The following SKAP2 variants were observed in gnomAD, a reference collection of about 807,000 sequenced individuals.
The protein encoded by SKAP2 is src kinase-associated phosphoprotein 2.
In SKAP2, 28 loss-of-function variants were observed where a neutral mutation model predicts 54.9. The ratio of observed to expected loss-of-function variants is 0.51; its 90% CI spans 0.38 to 0.70. The LOEUF (loss-of-function observed/expected upper bound fraction) is 0.70. Among genes scored for constraint, SKAP2 ranks in the 30% least tolerant of loss-of-function variants. SKAP2 has a pLI of 0.00. For missense variants in SKAP2, 356 were observed against 424.1 expected (o/e 0.84, Z 1.41); for synonymous variants, 137 against 134.3 (o/e 1.02, Z -0.14).
intron 9 of SKAP2, among the ~76,000 whole-genome samples, chr7:26,694,372 A>G (rs527517533): frequency 6.6e-6 from 1 of 152,192 alleles, no homozygotes; most frequent in South Asian, 2.1e-4. Context: ...AGCAGCTTGT[A>G]TTTACATGCC....
At chr7:26,720,643 G>C (rs1392139713) in intron 9 of SKAP2, among the ~76,000 whole-genome samples, 3 of 152,140 alleles carry the variant, frequency 2.0e-5, no homozygotes, top group Non-Finnish European at 4.4e-5. Context: ...GTTTAGCATG[G>C]TTAGGGAGGC....
At chr7:26,831,096 C>CTAATGCAG (rs1784585263) in intron 4 of SKAP2, among the ~76,000 whole-genome samples, 1 of 152,098 alleles carries the variant, frequency 6.6e-6, no homozygotes, top group African/African-American at 2.4e-5. Context: ...AAGTGATCTT[C>CTAATGCAG]TAATGCAGTC....
chr7:26,660,171 G>T, the SKAP2 span, among the ~76,000 whole-genome samples: 1 of 151,882 alleles, frequency 6.6e-6, no homozygotes. Flanking sequence ...TTCATTTTTT[G>T]TGTGTTTCTA....
intron 1 of SKAP2, among the ~76,000 whole-genome samples, chr7:26,858,361 A>C (rs1425924677): frequency 6.6e-6 from 1 of 152,180 alleles, no homozygotes; most frequent in East Asian, 1.9e-4. Flanking sequence ...AATACACCTT[A>C]ACACTGTCAA....
chr7:26,823,552 G>A lies in SKAP2; in HGVS notation c.307+20478C>T, dbSNP rs10278082. 1.1e-3 allele frequency among the ~76,000 whole-genome samples: 161 copies of A among 151,996 alleles called. 1 individual carries two copies. Among genetic ancestry groups the A allele is most frequent in the African/African-American group, 3.6e-3 (150 of 41,446 alleles). On this transcript the variant is annotated intron_variant, in intron 4 of 12. Transcript: ENST00000345317. Reference sequence around the variant, plus strand: ...CTCCCTTAAGCCAAAGCCTAACCCAGATCAAGGCCCTAACTCTCTTCAATT... The same window carrying A: ...CTCCCTTAAGCCAAAGCCTAACCCAAATCAAGGCCCTAACTCTCTTCAATT...
At chr7:26,814,264 C>A (rs1784219137) in intron 4 of SKAP2, among the ~76,000 whole-genome samples, 1 of 152,062 alleles carries the variant, frequency 6.6e-6, no homozygotes, top group Non-Finnish European at 1.5e-5. Flanking sequence ...AATTCATTTT[C>A]TATAGCCCAC....
At chr7:26,840,355 T>C (rs1432785904) in intron 4 of SKAP2, among the ~76,000 whole-genome samples, 2 of 152,136 alleles carry the variant, frequency 1.3e-5, no homozygotes. Context: ...TCTAGCTCAC[T>C]GAATCCTTTC....
intron 4 of SKAP2, among the ~76,000 whole-genome samples, chr7:26,771,945 A>G (rs7809419): frequency 0.11 from 16,679 of 152,206 alleles, 1,174 homozygotes; most frequent in African/African-American, 0.19. Context: ...CAGGACCACT[A>G]AAGTTTTATT....
intron 9 of SKAP2, among the ~76,000 whole-genome samples, chr7:26,716,604 A>G (rs981808459): frequency 2.0e-5 from 3 of 152,126 alleles, no homozygotes; most frequent in African/African-American, 7.2e-5. Flanking sequence ...CTTTTATATT[A>G]TGGCTTAATT....
intron 4 of SKAP2, among the ~76,000 whole-genome samples, chr7:26,795,248 T>C (rs1198863698): frequency 1.3e-5 from 2 of 152,224 alleles, no homozygotes; most frequent in Non-Finnish European, 2.9e-5. Context: ...TCAGTAGTTA[T>C]ATACAACCAA....
intron 4 of SKAP2, among the ~76,000 whole-genome samples, chr7:26,788,682 C>G (rs1212952814): frequency 6.6e-6 from 1 of 152,122 alleles, no homozygotes; most frequent in Non-Finnish European, 1.5e-5. Flanking sequence ...AAATGCAACT[C>G]TAGCACTAAT....
intron 9 of SKAP2, among the ~76,000 whole-genome samples, chr7:26,692,690 T>C (rs1027984093): frequency 1.3e-5 from 2 of 152,226 alleles, no homozygotes; most frequent in African/African-American, 4.8e-5. Context: ...TTAAAAAGTA[T>C]CCTGTCTCTT....
intron 4 of SKAP2, among the ~76,000 whole-genome samples, chr7:26,841,085 T>G (rs2127995078): frequency 6.6e-6 from 1 of 152,208 alleles, no homozygotes. Context: ...ATATCAACTC[T>G]TTTGTATAGA....
intron 4 of SKAP2, among the ~76,000 whole-genome samples, chr7:26,820,257 C>T (rs944375280): frequency 2.6e-5 from 4 of 152,094 alleles, no homozygotes; most frequent in African/African-American, 9.7e-5. Flanking sequence ...AAACATAATC[C>T]TTCCACTTGT....
chr7:26,851,990 T>C (rs993982724), intron 3 of SKAP2, among the ~76,000 whole-genome samples: 2 of 152,006 alleles, frequency 1.3e-5, no homozygotes, highest in African/African-American at 4.8e-5. Flanking sequence ...AAAATACATA[T>C]ATGCATATAT....
chr7:26,732,274 G>A (rs930619377), intron 6 of SKAP2, among the ~76,000 whole-genome samples: 2 of 152,198 alleles, frequency 1.3e-5, no homozygotes, highest in African/African-American at 4.8e-5. Context: ...GCAGTGCACA[G>A]TGGCAACATC....
intron 4 of SKAP2, among the ~76,000 whole-genome samples, chr7:26,823,846 C>G (rs1230043560): frequency 1.3e-5 from 2 of 152,124 alleles, no homozygotes; most frequent in Non-Finnish European, 2.9e-5. Context: ...CATGATAAAA[C>G]TTGAAGGGAT....
chr7:26,707,281 G>A (rs1274131387), intron 9 of SKAP2, among the ~76,000 whole-genome samples: 5 of 151,886 alleles, frequency 3.3e-5, no homozygotes, highest in Non-Finnish European at 4.4e-5. Context: ...GACTGCTTGA[G>A]CCCAGGAAGT....
chr7:26,828,421 T>C (rs1285266627), intron 4 of SKAP2, among the ~76,000 whole-genome samples: 1 of 152,110 alleles, frequency 6.6e-6, no homozygotes, highest in Admixed American at 6.6e-5. Context: ...CTAACACCTG[T>C]AATCCCAGCA....
Sources: gnomAD v4.1 joint callset for allele counts (sites outside exome capture counted in the v4.1 genomes callset) on GRCh38, gnomAD v4.1.1 for gene constraint, MANE v1.5 for transcripts, NCBI Gene and HGNC (gene_info 2026-07-23, HGNC 2026-07-21) for gene names.